USP48: variants seen among roughly 807,000 people sequenced by gnomAD.
USP48 encodes the protein ubiquitin carboxyl-terminal hydrolase 48.
Under a neutral mutation model 150.7 loss-of-function variants are expected in USP48, and 43 were observed. That is an observed-to-expected ratio of 0.29 (90% confidence interval 0.22 to 0.37). The LOEUF (loss-of-function observed/expected upper bound fraction) is 0.37. USP48 is among the 10% of genes least tolerant of loss of function. USP48 has a pLI of 1.00. For missense variants in USP48, 813 were observed against 1,249.6 expected, an observed-to-expected ratio of 0.65 and a Z score of 5.27; for synonymous variants, 396 against 425.9, an observed-to-expected ratio of 0.93 and a Z score of 0.86.
At chr1:21,729,968 T>C (rs187695775) in intron 9 of USP48, 136 bp from the exon 10 acceptor site, 115 of 1,061,980 alleles carry the variant, frequency 1.1e-4, no homozygotes, top group African/African-American at 1.9e-4. Flanking sequence ...TCAAAGGCCA[T>C]AGAAATTTGG....
chr1:21,767,695 T>C (rs1308116039), intron 1 of USP48, among the ~76,000 whole-genome samples: 2 of 151,868 alleles, frequency 1.3e-5, no homozygotes, highest in Non-Finnish European at 2.9e-5. Context: ...TACAAATAAA[T>C]TGTTTTTAAA....
At chr1:21,780,600 T>C (rs1446290708) in intron 1 of USP48, among the ~76,000 whole-genome samples, 1 of 151,998 alleles carries the variant, frequency 6.6e-6, no homozygotes. Flanking sequence ...TGCTACAACA[T>C]GGATGACCCT....
chr1:21,708,169 AC>A (rs1310743198), intron 15 of USP48, among the ~76,000 whole-genome samples: 1 of 152,134 alleles, frequency 6.6e-6, no homozygotes, highest in African/African-American at 2.4e-5. Flanking sequence ...TCTCAAAAAA[AC>A]AAAACAAAAC....
At chr1:21,778,928 T>A (rs1391182941) in intron 1 of USP48, among the ~76,000 whole-genome samples, 2 of 151,868 alleles carry the variant, frequency 1.3e-5, no homozygotes, top group Admixed American at 1.3e-4. Context: ...ACTACAGGCA[T>A]CCGCCACCAT....
chr1:21,728,227 C>T, intron 11 of USP48: 3 of 1,024,596 alleles, frequency 2.9e-6, no homozygotes, highest in Non-Finnish European at 3.5e-6. Flanking sequence ...AGAAACAGAA[C>T]AGGCAAGTTG....
chr1:21,728,673 C>G lies in USP48; in HGVS notation c.1347G>C (p.Glu449Asp), dbSNP rs1322681207. ...LVDRDNSKFE[E>D]WCIEMAEMRK... ...GCATCTCAGCCATTTCAATACACCA[C>G]TCCTCAAATTTGGAATTATCCCGAT... Residue 449 changes from glutamate to aspartate, a missense_variant, in exon 11 of 27, where the codon GAG (glutamate) becomes GAC (aspartate). Transcript: ENST00000308271. The G allele has an allele frequency of 6.2e-7, 1 of 1,614,206 alleles. No homozygotes were observed. The highest frequency in any genetic ancestry group is 8.5e-7 in the Non-Finnish European group (1 of 1,180,036).
intron 25 of USP48, among the ~76,000 whole-genome samples, chr1:21,682,933 A>G (rs2097570532): frequency 6.6e-6 from 1 of 152,048 alleles, no homozygotes; most frequent in African/African-American, 2.4e-5. Flanking sequence ...GGGATTGACT[A>G]AAGGGTGCCT....
At chr1:21,695,286 A>T (rs961530860) in intron 22 of USP48, 65 bp from the exon 23 acceptor site, 5 of 1,491,562 alleles carry the variant, frequency 3.4e-6, no homozygotes, top group Non-Finnish European at 4.5e-6. Context: ...TTGCTCATGA[A>T]GTTTTTCAGG....
chr1:21,774,087 G>A (rs77598547), intron 1 of USP48, among the ~76,000 whole-genome samples: 21,508 of 151,918 alleles, frequency 0.14, 2,088 homozygotes, highest in South Asian at 0.23. Context: ...GCTGAGGCAG[G>A]AGAATCACTT....
At position 21,701,426 on chromosome 1, in the gene USP48, C is replaced by T. The variant is rs78693879; in HGVS notation, c.2727+72G>A. 1.4e-3 allele frequency: 1,841 copies of T among 1,324,470 alleles called. 38 individuals carry two copies. In the East Asian group the frequency reaches 0.037, roughly 27 times the overall value. 82.0% of individuals were successfully genotyped at this position (1,324,470 alleles called of 1,614,324 possible). A position where few individuals can be genotyped will look rare whatever the true frequency, so the allele number is the denominator to read the frequency against. On this transcript the variant is annotated intron_variant, in intron 22 of 26. Coordinates refer to ENST00000308271, the MANE Select transcript of USP48 (RefSeq NM_032236.8). The stretch of plus-strand genomic sequence containing the variant: ...TCCCATACAGGGTACAGAGACATGG[C>T]CAGGGGCTTCGAGTGGCTGCTCTAT...
chr1:21,728,070 T>C (rs1461509251), intron 11 of USP48: 1 of 985,516 alleles, frequency 1.0e-6, no homozygotes, highest in Non-Finnish European at 1.2e-6. Context: ...ATGTGGGATA[T>C]TTCTAAGAAA....
Position 21,729,740 on chromosome 1 carries a change from T to C in USP48, c.1264A>G (p.Thr422Ala), listed in dbSNP as rs770286165. The C allele has an allele frequency of 1.9e-6, 3 of 1,614,080 alleles. No individual in the cohort carries two copies. Among genetic ancestry groups the C allele is most frequent in the East Asian group, 4.5e-5 (2 of 44,864 alleles). ...ACAGTAGTGTTGGGCTTTTCTTGAGTTTGCAGTCTATAAACCAACATATAT... is the reference window on the plus strand; with the variant it reads ...ACAGTAGTGTTGGGCTTTTCTTGAGCTTGCAGTCTATAAACCAACATATAT... ...NAYMLVYRLQ[T>A]QEKPNTTVQV... Residue 422 changes from threonine to alanine, a missense_variant, in exon 10 of 27, where the codon ACT becomes GCT. Coordinates refer to ENST00000308271, the MANE Select transcript of USP48 (RefSeq NM_032236.8).
At chr1:21,726,108 G>A (rs2097736388) in intron 11 of USP48, among the ~76,000 whole-genome samples, 1 of 152,170 alleles carries the variant, frequency 6.6e-6, no homozygotes. Context: ...CCCAGCAGCT[G>A]GGGAGGAGTG....
chr1:21,695,279 C>A (rs2097623951), intron 22 of USP48, 58 bp from the exon 23 acceptor site: 1 of 1,495,058 alleles, frequency 6.7e-7, no homozygotes. Flanking sequence ...GTGACCCTTG[C>A]TCATGAAGTT....
chr1:21,720,118 G>T (rs2245169), intron 14 of USP48, among the ~76,000 whole-genome samples: 2 of 152,086 alleles, frequency 1.3e-5, no homozygotes, highest in Non-Finnish European at 2.9e-5. Context: ...AATTTACAAG[G>T]AAAAAGCTAT....
rs115338989 is a variant in USP48 at position 21,772,849 on chromosome 1, G to A, written c.134+9975C>T. Reference sequence around the variant, plus strand: ...AAGCAAAAGAATAGCTCGAATCTGGGAGGCAAAGGTTGCAGTGAGCTGAGA... The same window carrying A: ...AAGCAAAAGAATAGCTCGAATCTGGAAGGCAAAGGTTGCAGTGAGCTGAGA... On this transcript the variant is annotated intron_variant, in intron 1 of 26. Coordinates refer to ENST00000308271, the MANE Select transcript of USP48 (RefSeq NM_032236.8). Among the ~76,000 whole-genome samples the A allele has an allele frequency of 7.9e-3, 1,189 of 151,090 alleles. 17 individuals carry two copies. The highest frequency in any genetic ancestry group is 0.027 in the African/African-American group (1,118 of 41,094).
rs1018264519 is a variant in USP48 at position 21,737,469 on chromosome 1, A to G, written c.992-844T>C. Among the ~76,000 whole-genome samples the G allele has an allele frequency of 2.6e-5, 4 of 152,220 alleles. No individual in the cohort carries two copies. The East Asian group carries it at 7.7e-4, about 29-fold the overall frequency. On this transcript the variant is annotated intron_variant, in intron 8 of 26. Transcript: ENST00000308271. ...TATATTTTACACGGTATTCAAAAAG[A>G]AAAGGCTTTATACATACATCAAAAT...
intron 23 of USP48, among the ~76,000 whole-genome samples, chr1:21,691,179 T>C (rs899485065): frequency 3.3e-5 from 5 of 151,754 alleles, no homozygotes; most frequent in African/African-American, 1.2e-4. Context: ...CTGAGTATGG[T>C]GGCACATGCC....
At position 21,679,251 on chromosome 1, in the gene USP48, TA is replaced by T; in HGVS notation, c.*165del. On this transcript the variant is annotated 3_prime_UTR_variant, in exon 27 of 27. Transcript: ENST00000308271. ...TGATGTCCATCAGTGCAATCTGCTT[TA>T]TTTGACATAAGGCATTTGGGACAGT... 9 of 831,390 alleles carry T rather than the reference TA, an allele frequency of 1.1e-5. No homozygotes were observed. In the South Asian group the frequency reaches 1.3e-4, roughly 12 times the overall value. The allele number at this position is 831,390 out of a possible 1,614,324, so 51.5% of individuals were successfully genotyped here. A position where few individuals can be genotyped will look rare whatever the true frequency, so the allele number is the denominator to read the frequency against.
Sources: allele counts gnomAD v4.1 joint callset (sites outside exome capture counted in the v4.1 genomes callset), GRCh38; gene constraint gnomAD v4.1.1; transcripts MANE v1.5; gene names NCBI Gene and HGNC (gene_info 2026-07-23, HGNC 2026-07-21).